Variants in PTPRQ observed in about 807,000 individuals in gnomAD.
The protein encoded by PTPRQ is phosphatidylinositol phosphatase PTPRQ.
A neutral mutation model predicts 246.0 loss-of-function variants in PTPRQ; 199 were observed. The ratio of observed to expected loss-of-function variants is 0.81; its 90% CI spans 0.72 to 0.91. PTPRQ has a LOEUF of 0.91. Ranked by LOEUF, PTPRQ falls within the 40% of genes least tolerant of loss-of-function variation. PTPRQ has a pLI of 0.00. For missense variants in PTPRQ, 2,624 were observed against 2,528.4 expected (o/e 1.04, Z -0.81); for synonymous variants, 869 against 853.2 (o/e 1.02, Z -0.32).
At chr12:80,513,865 A>G (rs1164492059) in intron 17 of PTPRQ, among the ~76,000 whole-genome samples, 2 of 151,848 alleles carry the variant, frequency 1.3e-5, no homozygotes, top group African/African-American at 2.4e-5. Flanking sequence ...GTAGCTAGAT[A>G]CTCCCGGCTG....
intron 25 of PTPRQ, 77 bp from the exon 26 acceptor site, chr12:80,588,052 T>C (rs1288310161): frequency 7.1e-7 from 1 of 1,407,394 alleles, no homozygotes; most frequent in Non-Finnish European, 9.4e-7. Flanking sequence ...TCCTCCATAA[T>C]AGAATTCTAT....
intron 14 of PTPRQ, among the ~76,000 whole-genome samples, chr12:80,499,102 T>C (rs1443876785): frequency 1.1e-5 from 1 of 93,756 alleles, no homozygotes; most frequent in South Asian, 4.4e-4. Flanking sequence ...TCACAAGTTA[T>C]AGTACATGAG....
chr12:80,478,323 T>A (rs1893897235), intron 8 of PTPRQ, among the ~76,000 whole-genome samples: 1 of 151,916 alleles, frequency 6.6e-6, no homozygotes, highest in Non-Finnish European at 1.5e-5. Flanking sequence ...GAGGGTCCTG[T>A]CTGTTAGAAG....
At position 80,590,554 on chromosome 12, in the gene PTPRQ, G is replaced by A. The variant is rs566537693; in HGVS notation, c.4609+2102G>A. On this transcript the variant is annotated intron_variant, in intron 26 of 44. Coordinates refer to ENST00000644991, the MANE Select transcript of PTPRQ (RefSeq NM_001145026.2). ...ATGGTGGCAGGTGCCTGTAGTCCCA[G>A]CTACTCGGGAGGCTGAGGCAGGAGA... 4.2e-3 allele frequency among the ~76,000 whole-genome samples: 635 copies of A among 151,120 alleles called. 3 individuals are homozygous for A. Among genetic ancestry groups the A allele is most frequent in the Middle Eastern group, 0.01 (3 of 294 alleles).
At chr12:80,459,541 A>G (rs941016361) in intron 5 of PTPRQ, 58 bp downstream of exon 5, 15 of 397,776 alleles carry the variant, frequency 3.8e-5, no homozygotes, top group South Asian at 2.6e-4. Context: ...TTTAATTTTC[A>G]TATTTCTAGC....
At chr12:80,521,191 C>A (rs1004371617) in intron 17 of PTPRQ, among the ~76,000 whole-genome samples, 1 of 152,070 alleles carries the variant, frequency 6.6e-6, no homozygotes, top group Non-Finnish European at 1.5e-5. Flanking sequence ...ATCCTTTGCC[C>A]ACGTTTTGAT....
At chr12:80,671,573 A>G (rs1900971511) in intron 42 of PTPRQ, among the ~76,000 whole-genome samples, 1 of 152,148 alleles carries the variant, frequency 6.6e-6, no homozygotes, top group Non-Finnish European at 1.5e-5. Flanking sequence ...GACCATCTTT[A>G]AATATCATTT....
chr12:80,594,050 C>T (rs11611446), intron 26 of PTPRQ, among the ~76,000 whole-genome samples: 9 of 152,038 alleles, frequency 5.9e-5, no homozygotes, highest in Non-Finnish European at 1.2e-4. Flanking sequence ...CAAAACATGC[C>T]TCATCAAAGA....
chr12:80,622,139 G>C lies in PTPRQ; in HGVS notation c.5686+5G>C. On this transcript the variant is annotated splice_donor_5th_base_variant and intron_variant, in intron 33 of 44. Transcript: ENST00000644991. The stretch of plus-strand genomic sequence containing the variant: ...CTGACCCTGTTAAGACTTTAGGTAA[G>C]ACATTTTTGTAATTCATTTATAATC... The C allele has an allele frequency of 1.4e-6, 2 of 1,408,870 alleles. No homozygotes were observed. Among genetic ancestry groups the C allele is most frequent in the Non-Finnish European group, 1.9e-6 (2 of 1,073,090 alleles). The allele number at this position is 1,408,870 out of a possible 1,614,324, so 87.3% of individuals were successfully genotyped here.
chr12:80,509,293 A>G (rs540197315), intron 16 of PTPRQ, among the ~76,000 whole-genome samples: 1 of 152,210 alleles, frequency 6.6e-6, no homozygotes, highest in African/African-American at 2.4e-5. Flanking sequence ...GAACACATAC[A>G]ACTACAGCTG....
intron 38 of PTPRQ, 104 bp downstream of exon 38, chr12:80,652,938 T>C: frequency 8.2e-7 from 1 of 1,214,278 alleles, no homozygotes; most frequent in African/African-American, 1.6e-5. Context: ...ATTGTTTGAA[T>C]TATAATAATG....
chr12:80,620,400 T>G, intron 32 of PTPRQ, 24 bp downstream of exon 32: 2 of 1,545,540 alleles, frequency 1.3e-6, no homozygotes, highest in African/African-American at 2.8e-5. Flanking sequence ...ATATCTACCA[T>G]GCATTCTGTT....
intron 9 of PTPRQ, among the ~76,000 whole-genome samples, chr12:80,491,031 G>A (rs571803746): frequency 2.0e-5 from 3 of 152,032 alleles, no homozygotes; most frequent in African/African-American, 7.2e-5. Flanking sequence ...GTTATGGAGG[G>A]TTTTTCTAAT....
chr12:80,465,939 C>G (rs1487630080), intron 6 of PTPRQ, among the ~76,000 whole-genome samples: 2 of 152,096 alleles, frequency 1.3e-5, no homozygotes, highest in Non-Finnish European at 2.9e-5. Context: ...CCTTTGAAAA[C>G]TGGCACAAGA....
chr12:80,670,462 A>C lies in PTPRQ; in HGVS notation c.6572A>C (p.His2191Pro). Residue 2191 changes from histidine (H) to proline (P), a missense_variant, in exon 42 of 45, where the codon CAT becomes CCT. Transcript: ENST00000644991. ...FVKLVRASRA[H>P]DTTPMIVHCS... ...AAGTTGGTTCGAGCAAGCAGGGCAC[A>C]TGACACCACACCTATGATTGTTCAC... The C allele has an allele frequency of 6.4e-7, 1 of 1,551,154 alleles. No individual in the cohort carries two copies.
chr12:80,581,949 A>C (rs1897452655), intron 25 of PTPRQ, among the ~76,000 whole-genome samples: 1 of 152,224 alleles, frequency 6.6e-6, no homozygotes, highest in Non-Finnish European at 1.5e-5. Context: ...GCATGTTGAC[A>C]GGAGTAGGTA....
At position 80,647,887 on chromosome 12, in the gene PTPRQ, T is replaced by C. The variant is rs190075432; in HGVS notation, c.5916-1010T>C. Among the ~76,000 whole-genome samples the C allele has an allele frequency of 2.9e-4, 43 of 149,832 alleles. No homozygotes were observed. The East Asian group carries it at 7.4e-3, about 26-fold the overall frequency. ...TGGAAGATACAACATCTCTTTCTGC[T>C]TGGGGGGCACCCATCATTAACTGAG... On this transcript the variant is annotated intron_variant, in intron 35 of 44. Coordinates refer to ENST00000644991, the MANE Select transcript of PTPRQ (RefSeq NM_001145026.2).
intron 17 of PTPRQ, among the ~76,000 whole-genome samples, chr12:80,518,998 T>C (rs986242140): frequency 6.6e-6 from 1 of 152,158 alleles, no homozygotes; most frequent in Admixed American, 6.5e-5. Flanking sequence ...ATATTTTTTC[T>C]ATTTCTGTGA....
intron 35 of PTPRQ, 123 bp from the exon 36 acceptor site, chr12:80,648,774 G>C: frequency 2.6e-6 from 2 of 771,438 alleles, no homozygotes; most frequent in South Asian, 7.5e-5. Context: ...TCATATATTA[G>C]TTAAAGGCAT....
Sources: gnomAD v4.1 joint callset for allele counts (sites outside exome capture counted in the v4.1 genomes callset) on GRCh38, gnomAD v4.1.1 for gene constraint, MANE v1.5 for transcripts, NCBI Gene and HGNC (gene_info 2026-07-23, HGNC 2026-07-21) for gene names.